ADAMTSL1: variants seen among roughly 807,000 people sequenced by gnomAD.
The protein encoded by ADAMTSL1 is ADAMTS-like protein 1.
ADAMTSL1 carries 126 observed loss-of-function variants against 201.8 expected under a neutral mutation model. That is an observed-to-expected ratio of 0.62 (90% CI 0.54 to 0.72). The LOEUF (loss-of-function observed/expected upper bound fraction) is 0.72, where lower values mean the gene tolerates loss of function less well. ADAMTSL1 is among the 30% of genes least tolerant of loss of function. The pLI, the probability that ADAMTSL1 is intolerant of heterozygous loss-of-function variation, is 0.00. For synonymous variants in ADAMTSL1, 1,121 were observed against 903.4 expected (o/e 1.24, Z -4.32); for missense variants, 2,679 against 2,277.8 (o/e 1.18, Z -3.59).
chr9:18,763,469 G>A (rs1820186742), intron 16 of ADAMTSL1, among the ~76,000 whole-genome samples: 1 of 152,056 alleles, frequency 6.6e-6, no homozygotes, highest in Admixed American at 6.6e-5. Flanking sequence ...TTTGTTGATT[G>A]TTTCCTGTGC....
At chr9:18,358,756 T>A (rs1418864967) in intron 2 of ADAMTSL1, among the ~76,000 whole-genome samples, 8 of 152,222 alleles carry the variant, frequency 5.3e-5, no homozygotes, top group African/African-American at 1.9e-4. Flanking sequence ...ATATGCCATA[T>A]TTGTTTTTCC....
intron 2 of ADAMTSL1, among the ~76,000 whole-genome samples, chr9:18,172,921 A>G (rs977285958): frequency 6.6e-6 from 1 of 152,100 alleles, no homozygotes; most frequent in Non-Finnish European, 1.5e-5. Flanking sequence ...GAGAAAATAT[A>G]TATAAAGACA....
chr9:18,147,966 C>G (rs573654313), intron 1 of ADAMTSL1, among the ~76,000 whole-genome samples: 1 of 152,090 alleles, frequency 6.6e-6, no homozygotes, highest in Non-Finnish European at 1.5e-5. Context: ...TTCTACTAGA[C>G]TGTAAGACCA....
chr9:18,464,650 A>C (rs1311208699), intron 2 of ADAMTSL1, among the ~76,000 whole-genome samples: 1 of 152,240 alleles, frequency 6.6e-6, no homozygotes, highest in African/African-American at 2.4e-5. Context: ...TCATCACCAT[A>C]AAATCAATCT....
upstream of ADAMTSL1, among the ~76,000 whole-genome samples, chr9:18,471,862 T>G (rs1485135911): frequency 2.6e-5 from 4 of 152,222 alleles, no homozygotes; most frequent in Non-Finnish European, 4.4e-5. Flanking sequence ...AATTTCTGAC[T>G]CAAAATACCT....
At chr9:18,406,852 T>C (rs1292715145) in intron 2 of ADAMTSL1, among the ~76,000 whole-genome samples, 2 of 152,186 alleles carry the variant, frequency 1.3e-5, no homozygotes, top group Non-Finnish European at 2.9e-5. Context: ...AAATGTGTGC[T>C]TGTGGGAAAG....
At chr9:18,176,324 T>C (rs1183703351) in intron 2 of ADAMTSL1, among the ~76,000 whole-genome samples, 1 of 152,094 alleles carries the variant, frequency 6.6e-6, no homozygotes, top group African/African-American at 2.4e-5. Context: ...GTAACAACAA[T>C]AGTAATAATT....
intron 2 of ADAMTSL1, among the ~76,000 whole-genome samples, chr9:18,225,328 G>C (rs1003071814): frequency 1.3e-5 from 2 of 152,088 alleles, no homozygotes; most frequent in Non-Finnish European, 2.9e-5. Flanking sequence ...CAGAAGCTTA[G>C]ACATAAAGTA....
intron 1 of ADAMTSL1, among the ~76,000 whole-genome samples, chr9:18,058,481 T>C (rs1489935478): frequency 1.3e-5 from 2 of 152,212 alleles, no homozygotes; most frequent in Non-Finnish European, 2.9e-5. Context: ...ATACCATTTG[T>C]TACATTTCAG....
chr9:18,325,176 T>C (rs1834782326), intron 2 of ADAMTSL1, among the ~76,000 whole-genome samples: 1 of 152,202 alleles, frequency 6.6e-6, no homozygotes, highest in Non-Finnish European at 1.5e-5. Flanking sequence ...TGGAAAAGGT[T>C]TGACAATTTC....
rs562253158 is a variant in ADAMTSL1, at chr9:18,274,404, C to A, written c.207+110423C>A. Among the ~76,000 whole-genome samples, 14 of 152,080 alleles carry A rather than the reference C, an allele frequency of 9.2e-5. No homozygotes were observed. The East Asian group carries it at 2.7e-3, about 29-fold the overall frequency. On this transcript the variant is annotated intron_variant, in intron 2 of 29. Transcript: ENST00000680146. ...CAAACTGAGCTAATATTTCTTTCCC[C>A]CAAATAAGCAAGTTTTTCATCTAGA...
At chr9:18,158,320 T>C (rs902038361) in intron 1 of ADAMTSL1, among the ~76,000 whole-genome samples, 1 of 152,046 alleles carries the variant, frequency 6.6e-6, no homozygotes, top group Non-Finnish European at 1.5e-5. Context: ...GAAATTTCTT[T>C]AGTAGATGTA....
At chr9:18,070,316 A>G (rs983543307) in intron 1 of ADAMTSL1, among the ~76,000 whole-genome samples, 9 of 152,246 alleles carry the variant, frequency 5.9e-5, no homozygotes, top group African/African-American at 2.2e-4. Context: ...GACTTGGTCG[A>G]CATAGCTAAG....
chr9:18,649,816 G>T (rs575660805), intron 7 of ADAMTSL1, among the ~76,000 whole-genome samples: 81 of 152,304 alleles, frequency 5.3e-4, no homozygotes, highest in African/African-American at 1.9e-3. Flanking sequence ...GTGCCTCCCA[G>T]TTAGGCTTCT....
At chr9:17,999,453 G>T (rs1819521889) in intron 1 of ADAMTSL1, among the ~76,000 whole-genome samples, 1 of 151,742 alleles carries the variant, frequency 6.6e-6, no homozygotes, top group Non-Finnish European at 1.5e-5. Flanking sequence ...GACTTTTGTT[G>T]GTCATTGTAG....
At chr9:18,788,609 A>C (rs1452894019) in intron 19 of ADAMTSL1, among the ~76,000 whole-genome samples, 1 of 152,186 alleles carries the variant, frequency 6.6e-6, no homozygotes, top group Non-Finnish European at 1.5e-5. Context: ...CAATAATAAA[A>C]AGCATATACA....
chr9:18,020,941 C>A (rs1005008520), intron 1 of ADAMTSL1, among the ~76,000 whole-genome samples: 2 of 152,102 alleles, frequency 1.3e-5, no homozygotes, highest in Admixed American at 6.6e-5. Context: ...GGTATAACTT[C>A]AATGCCACCC....
intron 1 of ADAMTSL1, among the ~76,000 whole-genome samples, chr9:17,936,837 T>A (rs940480935): frequency 6.6e-6 from 1 of 151,882 alleles, no homozygotes; most frequent in Admixed American, 6.6e-5. Context: ...CCTTGAAGAG[T>A]GAGAAGCTGC....
intron 1 of ADAMTSL1, among the ~76,000 whole-genome samples, chr9:18,144,440 A>G (rs890003044): frequency 1.3e-5 from 2 of 152,100 alleles, no homozygotes; most frequent in Non-Finnish European, 2.9e-5. Context: ...TCCTGACCTC[A>G]GGTGATCCTC....
Sources: gnomAD v4.1 joint callset for allele counts (sites outside exome capture counted in the v4.1 genomes callset) on GRCh38, gnomAD v4.1.1 for gene constraint, MANE v1.5 for transcripts, NCBI Gene and HGNC (gene_info 2026-07-23, HGNC 2026-07-21) for gene names.